Variants in MLLT10 observed in about 807,000 individuals in gnomAD.
MLLT10 encodes protein AF-10.
In MLLT10, 30 loss-of-function variants were observed where a neutral mutation model predicts 129.1. The ratio of observed to expected loss-of-function variants is 0.23; its 90% confidence interval spans 0.17 to 0.32. The LOEUF (loss-of-function observed/expected upper bound fraction) is 0.32. Ranked by LOEUF, MLLT10 falls within the 10% of genes least tolerant of loss-of-function variation. The pLI, the probability that MLLT10 is intolerant of heterozygous loss-of-function variation, is 1.00. For synonymous variants in MLLT10, 490 were observed against 446.4 expected (o/e 1.10, Z -1.23); for missense variants, 1,119 against 1,268.3 (o/e 0.88, Z 1.79).
chr10:21,604,592 A>T (rs544437014), intron 5 of MLLT10, among the ~76,000 whole-genome samples: 3 of 152,336 alleles, frequency 2.0e-5, no homozygotes, highest in Admixed American at 1.3e-4. Flanking sequence ...TGTTTAAAAA[A>T]AATAATAATA....
At chr10:21,681,165 C>G (rs762005133) in intron 11 of MLLT10, among the ~76,000 whole-genome samples, 167 bp from the exon 12 acceptor site, 2 of 152,126 alleles carry the variant, frequency 1.3e-5, no homozygotes, top group African/African-American at 4.8e-5. Context: ...GGTTCTCCCC[C>G]TCATGTCCCA....
intron 8 of MLLT10, among the ~76,000 whole-genome samples, chr10:21,647,398 A>G (rs1286795303): frequency 2.0e-5 from 3 of 152,174 alleles, no homozygotes; most frequent in South Asian, 2.1e-4. Context: ...GTGTGTGCCA[A>G]TAGTCCCAGA....
At chr10:21,654,949 G>A (rs1313595508) in intron 9 of MLLT10, among the ~76,000 whole-genome samples, 2 of 152,268 alleles carry the variant, frequency 1.3e-5, no homozygotes, top group East Asian at 1.9e-4. Context: ...GAGGCAGGAG[G>A]ATTGCTTGAG....
At chr10:21,558,622 G>T (rs2038384869) in intron 3 of MLLT10, among the ~76,000 whole-genome samples, 1 of 151,626 alleles carries the variant, frequency 6.6e-6, no homozygotes, top group Non-Finnish European at 1.5e-5. Flanking sequence ...CTGGCCTCAC[G>T]CAGTCCTCCC....
chr10:21,595,465 T>A, intron 5 of MLLT10, 25 bp downstream of exon 5: 1 of 1,541,512 alleles, frequency 6.5e-7, no homozygotes, highest in Non-Finnish European at 8.9e-7. Context: ...ATTTTATTAC[T>A]GTTTGAATAT....
chr10:21,610,982 CTCT>C (rs1177973847), intron 5 of MLLT10, among the ~76,000 whole-genome samples: 2 of 117,354 alleles, frequency 1.7e-5, no homozygotes, highest in Non-Finnish European at 3.7e-5. Context: ...TTTCTTTTTT[CTCT>C]TTTTTTTTTT....
chr10:21,540,906 T>C (rs1418979065), intron 3 of MLLT10, among the ~76,000 whole-genome samples: 1 of 152,190 alleles, frequency 6.6e-6, no homozygotes, highest in Admixed American at 6.5e-5. Flanking sequence ...GTGCTTGTAA[T>C]CCTTGCACTG....
At chr10:21,626,058 C>T in intron 8 of MLLT10, 1 of 1,467,598 alleles carries the variant, frequency 6.8e-7, no homozygotes, top group Non-Finnish European at 9.6e-7. Flanking sequence ...TCAAGCAAGG[C>T]CTTGATCTTC....
chr10:21,644,165 A>C (rs895568258), intron 8 of MLLT10, among the ~76,000 whole-genome samples: 1 of 151,890 alleles, frequency 6.6e-6, no homozygotes, highest in East Asian at 1.9e-4. Context: ...TTTATTTGGC[A>C]TGGGGACAGT....
intron 8 of MLLT10, among the ~76,000 whole-genome samples, chr10:21,645,720 A>C (rs1262582693): frequency 6.6e-6 from 1 of 152,212 alleles, no homozygotes; most frequent in Non-Finnish European, 1.5e-5. Flanking sequence ...TTTGTCCCAG[A>C]CATTTCTGTC....
In MLLT10 at chr10:21,733,092, G is replaced by A. The variant is rs1254051045; in HGVS notation, c.2407+5G>A. 1 of 1,584,748 alleles carries A rather than the reference G, an allele frequency of 6.3e-7. No individual in the cohort carries two copies. The stretch of plus-strand genomic sequence containing the variant: ...ACACATTTTCAGCACAGACTGGTAA[G>A]TGTGAAAATATTTATTTTGTATCTA... On this transcript the variant is annotated splice_donor_5th_base_variant and intron_variant, in intron 18 of 22. Transcript: ENST00000307729.
rs778903542 is a variant in MLLT10 at position 21,640,202 on chromosome 10, ATATATTATAT to A, written c.700-11460_700-11451del. ...TATCAAATATTATTATATAATATTT[ATATATTATAT>A]TATATTATATATTATATATTATGTA... On this transcript the variant is annotated intron_variant, in intron 8 of 22. Transcript: ENST00000307729. 3.5e-5 allele frequency among the ~76,000 whole-genome samples: 5 copies of A among 144,176 alleles called. No individual in the cohort carries two copies. In the East Asian group the frequency reaches 7.9e-4, roughly 23 times the overall value. The allele number at this position is 144,176 out of a possible 152,430, so 94.6% of individuals were successfully genotyped here. A position where few individuals can be genotyped will look rare whatever the true frequency, so the allele number is the denominator to read the frequency against.
At chr10:21,680,445 C>T (rs1401485790) in intron 11 of MLLT10, among the ~76,000 whole-genome samples, 1 of 151,940 alleles carries the variant, frequency 6.6e-6, no homozygotes, top group Non-Finnish European at 1.5e-5. Flanking sequence ...ACCTCAAGTG[C>T]CCGCCTTGGC....
chr10:21,662,354 G>A (rs2050300033), intron 9 of MLLT10, among the ~76,000 whole-genome samples: 2 of 152,012 alleles, frequency 1.3e-5, no homozygotes, highest in Admixed American at 6.6e-5. Flanking sequence ...ACTATGTCAT[G>A]TGTTTTGTAT....
Position 21,540,544 on chromosome 10 carries a change from CA to C in MLLT10, c.240+1638del, listed in dbSNP as rs1282900780. Reference sequence around the variant, plus strand: ...GGTGACAGAGTGAGAGACTGTCTCACAAAAAACACAGTGAGGGAGGTATGTT... The same window carrying C: ...GGTGACAGAGTGAGAGACTGTCTCACAAAAACACAGTGAGGGAGGTATGTT... On this transcript the variant is annotated intron_variant, in intron 3 of 22. Transcript: ENST00000307729. 3.3e-5 allele frequency among the ~76,000 whole-genome samples: 5 copies of C among 151,910 alleles called. No homozygotes were observed. The South Asian group carries it at 1.0e-3, about 32-fold the overall frequency.
chr10:21,727,132 G>A (rs187840732), intron 15 of MLLT10, among the ~76,000 whole-genome samples: 1 of 152,186 alleles, frequency 6.6e-6, no homozygotes, highest in Non-Finnish European at 1.5e-5. Context: ...ACCGTTTAAG[G>A]GTCAGAGGTT....
intron 13 of MLLT10, among the ~76,000 whole-genome samples, chr10:21,685,297 T>C (rs911597648): frequency 6.6e-6 from 1 of 152,198 alleles, no homozygotes; most frequent in Admixed American, 6.5e-5. Flanking sequence ...CAAAACTTAT[T>C]CTGGAAAAAT....
rs2035235544 is a variant in MLLT10, at chr10:21,541,958, T to C, written c.240+3046T>C. Among the ~76,000 whole-genome samples, 4 of 152,338 alleles carry C rather than the reference T, an allele frequency of 2.6e-5. No homozygotes were observed. The South Asian group carries it at 8.3e-4, about 32-fold the overall frequency. ...AAAGTTTGGGACTTGGTGAAATCTT[T>C]ATAGCGTTACTCTTTGACTTTTTTT... On this transcript the variant is annotated intron_variant, in intron 3 of 22. Coordinates refer to ENST00000307729, the MANE Select transcript of MLLT10 (RefSeq NM_001195626.3).
chr10:21,731,361 G>C (rs563501450), intron 17 of MLLT10, among the ~76,000 whole-genome samples: 1 of 151,916 alleles, frequency 6.6e-6, no homozygotes, highest in Admixed American at 6.6e-5. Context: ...GAGGGTTATT[G>C]TGAGGATTAA....
Sources: allele counts gnomAD v4.1 joint callset (sites outside exome capture counted in the v4.1 genomes callset), GRCh38; gene constraint gnomAD v4.1.1; transcripts MANE v1.5; gene names NCBI Gene and HGNC (gene_info 2026-07-23, HGNC 2026-07-21).